HS6ST3: variants seen among roughly 807,000 people sequenced by gnomAD.
HS6ST3 encodes heparan sulfate 6-O-sulfotransferase 3.
HS6ST3 carries 12 observed loss-of-function variants against 36.7 expected under a neutral mutation model. The observed-to-expected ratio is 0.33, with a 90% CI of 0.21 to 0.53. The LOEUF (loss-of-function observed/expected upper bound fraction) is 0.53, where lower values mean the gene tolerates loss of function less well. Among genes scored for constraint, HS6ST3 ranks in the 20% least tolerant of loss-of-function variants. The probability of loss-of-function intolerance (pLI) is 0.95; values close to 1 mark genes in which losing one functional copy is unlikely to be tolerated. For missense variants in HS6ST3, 584 were observed against 640.9 expected (o/e 0.91, Z 0.96); for synonymous variants, 240 against 257.5 (o/e 0.93, Z 0.65).
intron 1 of HS6ST3, among the ~76,000 whole-genome samples, chr13:96,285,362 A>G (rs549662015): frequency 6.6e-6 from 1 of 152,310 alleles, no homozygotes; most frequent in African/African-American, 2.4e-5. Context: ...ATTTAGTGCT[A>G]TTTATTCTAC....
Position 96,782,226 on chromosome 13 carries a change from A to G in HS6ST3, c.708-50264A>G, listed in dbSNP as rs1877543020. Among the ~76,000 whole-genome samples, 4 of 152,338 alleles carry G rather than the reference A, an allele frequency of 2.6e-5. No individual in the cohort carries two copies. In the South Asian group the frequency reaches 6.2e-4, roughly 24 times the overall value. ...CTCTGTTTATATACGTTAATCTTAA[A>G]GCAAAGAAGGCTGCTGAATTATTTA... is the stretch of plus-strand genomic sequence containing the variant. On this transcript the variant is annotated intron_variant, in intron 1 of 1. Coordinates refer to ENST00000376705, the MANE Select transcript of HS6ST3 (RefSeq NM_153456.4).
At chr13:96,340,610 A>G (rs1283091905) in intron 1 of HS6ST3, among the ~76,000 whole-genome samples, 2 of 152,180 alleles carry the variant, frequency 1.3e-5, no homozygotes, top group Non-Finnish European at 2.9e-5. Context: ...ACACTGAAGA[A>G]CTGGAGGGAC....
At chr13:96,394,804 A>G (rs2055413023) in intron 1 of HS6ST3, among the ~76,000 whole-genome samples, 2 of 152,244 alleles carry the variant, frequency 1.3e-5, no homozygotes, top group African/African-American at 4.8e-5. Flanking sequence ...ATTTTCGTAC[A>G]GAGTGAGGCT....
At chr13:96,141,717 G>A (rs750596117) in intron 1 of HS6ST3, among the ~76,000 whole-genome samples, 3 of 152,034 alleles carry the variant, frequency 2.0e-5, no homozygotes, top group Non-Finnish European at 4.4e-5. Flanking sequence ...CAAAGTGATC[G>A]ACTTGCTCCC....
At chr13:96,653,297 TTTGTTGC>T (rs2056613822) in intron 1 of HS6ST3, among the ~76,000 whole-genome samples, 3 of 152,230 alleles carry the variant, frequency 2.0e-5, no homozygotes, top group African/African-American at 7.2e-5. Flanking sequence ...GTTATGGCGA[TTTGTTGC>T]ACTTATCAAC....
intron 1 of HS6ST3, among the ~76,000 whole-genome samples, chr13:96,707,268 G>A (rs1875452038): frequency 6.6e-6 from 1 of 152,222 alleles, no homozygotes; most frequent in Non-Finnish European, 1.5e-5. Flanking sequence ...TCCTCCATGT[G>A]AGAATATGGC....
chr13:96,828,059 CT>C (rs1310523275), intron 1 of HS6ST3, among the ~76,000 whole-genome samples: 1 of 152,158 alleles, frequency 6.6e-6, no homozygotes, highest in Non-Finnish European at 1.5e-5. Context: ...CCCTGCTGAC[CT>C]TTTGGGAAAT....
chr13:96,815,337 T>G (rs1197025966), intron 1 of HS6ST3, among the ~76,000 whole-genome samples: 2 of 152,224 alleles, frequency 1.3e-5, no homozygotes. Flanking sequence ...TCATATTGGA[T>G]CAGGGCCCAC....
intron 1 of HS6ST3, among the ~76,000 whole-genome samples, chr13:96,655,303 C>T (rs1189797645): frequency 6.6e-6 from 1 of 152,060 alleles, no homozygotes; most frequent in East Asian, 1.9e-4. Context: ...AATCAGGGGA[C>T]ATTTCTGATG....
At chr13:96,166,848 T>TG (rs2054163040) in intron 1 of HS6ST3, among the ~76,000 whole-genome samples, 1 of 152,096 alleles carries the variant, frequency 6.6e-6, no homozygotes, top group African/African-American at 2.4e-5. Context: ...AACTGAATCA[T>TG]GGGGGTGGTT....
chr13:96,833,522 G>T lies in HS6ST3; in HGVS notation c.*324G>T. On this transcript the variant is annotated 3_prime_UTR_variant, in exon 2 of 2. Transcript: ENST00000376705. ...TTTGCAGGAGCATAGAATAGTTTGGGTACCAGGAACCCACAGAGGCACACA... is the reference window on the plus strand; with the variant it reads ...TTTGCAGGAGCATAGAATAGTTTGGTTACCAGGAACCCACAGAGGCACACA... 1 of 239,660 alleles carries T rather than the reference G, an allele frequency of 4.2e-6. No individual in the cohort carries two copies. Among genetic ancestry groups the T allele is most frequent in the South Asian group, 1.1e-4 (1 of 9,072 alleles). 14.8% of individuals were successfully genotyped at this position (239,660 alleles called of 1,614,324 possible).
chr13:96,146,041 G>T (rs2054056482), intron 1 of HS6ST3, among the ~76,000 whole-genome samples: 1 of 152,210 alleles, frequency 6.6e-6, no homozygotes, highest in African/African-American at 2.4e-5. Flanking sequence ...GTACCATGCT[G>T]TTTTGATTGC....
intron 1 of HS6ST3, among the ~76,000 whole-genome samples, chr13:96,817,280 G>C (rs1010390305): frequency 6.6e-6 from 1 of 152,132 alleles, no homozygotes; most frequent in African/African-American, 2.4e-5. Context: ...TTTAACCTTT[G>C]GTGAAATTTG....
At chr13:96,318,020 G>C (rs9554339) in intron 1 of HS6ST3, among the ~76,000 whole-genome samples, 54,428 of 151,784 alleles carry the variant, frequency 0.36, 10,043 homozygotes, top group African/African-American at 0.42. Context: ...TCTGTTGAGG[G>C]TTTCTTTTGG....
intron 1 of HS6ST3, among the ~76,000 whole-genome samples, chr13:96,817,993 C>T (rs756262560): frequency 6.6e-6 from 1 of 152,176 alleles, no homozygotes; most frequent in Non-Finnish European, 1.5e-5. Context: ...ATTATTTTAT[C>T]AGATTTACAT....
At chr13:96,623,247 G>T (rs2056501000) in intron 1 of HS6ST3, among the ~76,000 whole-genome samples, 1 of 152,168 alleles carries the variant, frequency 6.6e-6, no homozygotes, top group African/African-American at 2.4e-5. Context: ...ATGAGTCTAT[G>T]TGACAGCATA....
chr13:96,321,104 C>T (rs546338638), intron 1 of HS6ST3, among the ~76,000 whole-genome samples: 2 of 150,634 alleles, frequency 1.3e-5, no homozygotes, highest in East Asian at 3.9e-4. Context: ...TTTACTTTGT[C>T]TAGTGAACTC....
chr13:96,499,160 G>T (rs1396978165), intron 1 of HS6ST3, among the ~76,000 whole-genome samples: 1 of 151,862 alleles, frequency 6.6e-6, no homozygotes, highest in Non-Finnish European at 1.5e-5. Flanking sequence ...CCAGTAGCTG[G>T]GATTACAAGT....
At chr13:96,671,055 C>T (rs2056681035) in intron 1 of HS6ST3, among the ~76,000 whole-genome samples, 1 of 152,148 alleles carries the variant, frequency 6.6e-6, no homozygotes, top group Admixed American at 6.6e-5. Context: ...AATGAAAGTA[C>T]ACCACTGGAG....
Sources: gnomAD v4.1 joint callset for allele counts (sites outside exome capture counted in the v4.1 genomes callset) on GRCh38, gnomAD v4.1.1 for gene constraint, MANE v1.5 for transcripts, NCBI Gene and HGNC (gene_info 2026-07-23, HGNC 2026-07-21) for gene names.